PLEKHA1: variants seen among roughly 807,000 people sequenced by gnomAD.
PLEKHA1 encodes pleckstrin homology domain-containing family A member 1.
A neutral mutation model predicts 52.0 loss-of-function variants in PLEKHA1; 34 were observed. That is an observed-to-expected ratio of 0.65 (90% CI 0.50 to 0.87). The LOEUF is 0.87. Among genes scored for constraint, PLEKHA1 ranks in the 40% least tolerant of loss-of-function variants. The probability of loss-of-function intolerance (pLI) is 0.00; values close to 1 mark genes in which losing one functional copy is unlikely to be tolerated. For synonymous variants in PLEKHA1, 163 were observed against 170.7 expected (o/e 0.95, Z 0.35); for missense variants, 497 against 504.2 (o/e 0.99, Z 0.14).
intron 8 of PLEKHA1, chr10:122,420,134 A>G (rs1168055223): frequency 6.6e-6 from 1 of 151,916 alleles, no homozygotes; most frequent in Non-Finnish European, 1.5e-5. Context: ...CATCACCAAC[A>G]CTCTTTTTGG....
intron 4 of PLEKHA1, among the ~76,000 whole-genome samples, chr10:122,401,438 G>C (rs977325798): frequency 2.6e-5 from 4 of 152,088 alleles, no homozygotes; most frequent in Admixed American, 6.6e-5. Context: ...GTGGCAATAG[G>C]AGAAGGAGGA....
intron 1 of PLEKHA1, among the ~76,000 whole-genome samples, chr10:122,385,048 A>T (rs1345722740): frequency 6.6e-6 from 1 of 152,110 alleles, no homozygotes; most frequent in Non-Finnish European, 1.5e-5. Context: ...GTATAATTTG[A>T]TGAGTTTTGA....
chr10:122,385,997 T>C (rs1488213563), intron 1 of PLEKHA1, among the ~76,000 whole-genome samples: 1 of 152,216 alleles, frequency 6.6e-6, no homozygotes, highest in Admixed American at 6.5e-5. Context: ...TTTGGATAAA[T>C]ACCTAGGAGT....
the PLEKHA1 span, chr10:122,441,051 A>G: frequency 6.6e-6 from 1 of 152,174 alleles, no homozygotes; most frequent in East Asian, 1.9e-4. Context: ...CAATGTCAAC[A>G]TTACTGAGAA....
At chr10:122,386,227 T>C (rs2096694750) in intron 1 of PLEKHA1, among the ~76,000 whole-genome samples, 2 of 152,194 alleles carry the variant, frequency 1.3e-5, no homozygotes, top group Non-Finnish European at 1.5e-5. Flanking sequence ...TGCATTCACT[T>C]TCCTGACTAA....
Position 122,398,544 on chromosome 10 carries a change from T to C in PLEKHA1, c.198+570T>C, listed in dbSNP as rs540568681. Among the ~76,000 whole-genome samples the C allele has an allele frequency of 7.9e-5, 12 of 152,182 alleles. No homozygotes were observed. The East Asian group carries it at 2.3e-3, about 29-fold the overall frequency. ...GGTACATTTTTTTCTTATTTTCTTC[T>C]ATTAATGTTTAGGGAACTAAGTGAT... On this transcript the variant is annotated intron_variant, in intron 3 of 11. Transcript: ENST00000368990.
intron 4 of PLEKHA1, among the ~76,000 whole-genome samples, chr10:122,403,849 G>A (rs533041787): frequency 4.7e-4 from 71 of 152,106 alleles, no homozygotes; most frequent in Non-Finnish European, 9.4e-4. Flanking sequence ...CCACCACCAC[G>A]CCTGGCTAAT....
In PLEKHA1 at chr10:122,415,649, G is replaced by A. The variant is rs181959969; in HGVS notation, c.469-210G>A. Among the ~76,000 whole-genome samples, 205 of 152,286 alleles carry A rather than the reference G, an allele frequency of 1.3e-3. 1 individual carries two copies. Among genetic ancestry groups the A allele is most frequent in the African/African-American group, 4.4e-3 (183 of 41,558 alleles). On this transcript the variant is annotated intron_variant, in intron 6 of 11. Coordinates refer to ENST00000368990, the MANE Select transcript of PLEKHA1 (RefSeq NM_001001974.4). The stretch of plus-strand genomic sequence containing the variant: ...TCCCCAAAAAAGAGCACTGGTGGCA[G>A]GACTTGTGCAAAACAAGAGGAATGG...
Position 122,432,032 on chromosome 10 carries a change from T to G in PLEKHA1, c.*2094T>G, listed in dbSNP as rs900076950. The G allele has an allele frequency of 6.6e-6, 1 of 152,228 alleles. No individual in the cohort carries two copies. The highest frequency in any genetic ancestry group is 2.4e-5 in the African/African-American group (1 of 41,460). The allele number at this position is 152,228 out of a possible 1,614,324, so 9.4% of individuals were successfully genotyped here. ...GGACATTTTAAAATAGAACTATCCT[T>G]GTTCGATAGCATAGGAAAATGTTCT... On this transcript the variant is annotated 3_prime_UTR_variant, in exon 12 of 12. Transcript: ENST00000368990.
At chr10:122,383,298 C>G (rs1565121002) in intron 1 of PLEKHA1, among the ~76,000 whole-genome samples, 2 of 142,646 alleles carry the variant, frequency 1.4e-5, no homozygotes, top group African/African-American at 5.1e-5. Context: ...TTGCTTTTTT[C>G]TTTTCTTTCT....
Position 122,393,137 on chromosome 10 carries a change from T to G in PLEKHA1, c.-20-44T>G, listed in dbSNP as rs2096798992. The G allele has an allele frequency of 3.5e-5, 52 of 1,473,742 alleles. 1 individual carries two copies. Among genetic ancestry groups the G allele is most frequent in the Non-Finnish European group, 4.6e-5 (51 of 1,100,726 alleles). 91.3% of individuals were successfully genotyped at this position (1,473,742 alleles called of 1,614,324 possible). On this transcript the variant is annotated intron_variant, in intron 1 of 11. Coordinates refer to ENST00000368990, the MANE Select transcript of PLEKHA1 (RefSeq NM_001001974.4). This position sits in a 1 kb window ranked among gnomAD's most constrained non-coding sequence, Gnocchi z 4.5. ...GATTTGCAGTCCATGAGAAATACTT[T>G]CCTGTTTCATAGGGAGCTTACTGTT... is the stretch of plus-strand genomic sequence containing the variant.
At position 122,382,622 on chromosome 10, in the gene PLEKHA1, G is replaced by A. The variant is rs377262892; in HGVS notation, c.-21+7816G>A. Among the ~76,000 whole-genome samples, 5 of 152,110 alleles carry A rather than the reference G, an allele frequency of 3.3e-5. No individual in the cohort carries two copies. The East Asian group carries it at 7.7e-4, about 23-fold the overall frequency. On this transcript the variant is annotated intron_variant, in intron 1 of 11. Coordinates refer to ENST00000368990, the MANE Select transcript of PLEKHA1 (RefSeq NM_001001974.4). Reference sequence around the variant, plus strand: ...CTTGTGTAAATCAGTGAGACATTGGGATTACAAAGTGGTGATTTTCTATTA... The same window carrying A: ...CTTGTGTAAATCAGTGAGACATTGGAATTACAAAGTGGTGATTTTCTATTA...
chr10:122,399,880 C>A (rs1215383431), intron 3 of PLEKHA1, among the ~76,000 whole-genome samples: 1 of 152,162 alleles, frequency 6.6e-6, no homozygotes, highest in Non-Finnish European at 1.5e-5. Flanking sequence ...CCACTGTGCC[C>A]AGCCTAGATT....
At chr10:122,399,316 C>T (rs1437810604) in intron 3 of PLEKHA1, among the ~76,000 whole-genome samples, 1 of 152,080 alleles carries the variant, frequency 6.6e-6, no homozygotes, top group Non-Finnish European at 1.5e-5. Flanking sequence ...TATCACTGGA[C>T]AACAGCATGG....
intron 1 of PLEKHA1, among the ~76,000 whole-genome samples, chr10:122,380,698 C>T (rs143179248): frequency 1.4e-3 from 206 of 152,108 alleles, no homozygotes; most frequent in East Asian, 3.5e-3. Context: ...CAACCTTGGC[C>T]GAACATTAGA....
At position 122,415,868 on chromosome 10, in the gene PLEKHA1, G is replaced by T; in HGVS notation, c.478G>T (p.Val160Leu). 6.2e-7 allele frequency: 1 copy of T among 1,609,322 alleles called. No individual in the cohort carries two copies. Among genetic ancestry groups the T allele is most frequent in the Non-Finnish European group, 8.5e-7 (1 of 1,177,202 alleles). The part of the protein sequence containing the change: ...PIITPTQKEE[V>L]NECGESIDRN... ...TTTTGCTTCATTTTAGAAAGAAGAA[G>T]TAAATGAATGTGGTGAAAGTATTGA... Residue 160 changes from valine (V) to leucine (L), a missense_variant, in exon 7 of 12, where the codon GTA (valine) becomes TTA (leucine). Val to Leu is a conservative substitution (Grantham distance 32). Coordinates refer to ENST00000368990, the MANE Select transcript of PLEKHA1 (RefSeq NM_001001974.4).
intron 1 of PLEKHA1, chr10:122,387,295 C>T (rs1590309465): frequency 6.6e-6 from 1 of 151,970 alleles, no homozygotes; most frequent in East Asian, 1.9e-4. Context: ...TATAAATTTT[C>T]TTTCAAAATC....
At chr10:122,396,965 G>T (rs866151425) in intron 2 of PLEKHA1, among the ~76,000 whole-genome samples, 1 of 151,752 alleles carries the variant, frequency 6.6e-6, no homozygotes, top group South Asian at 2.1e-4. Flanking sequence ...AGCCTTCTTC[G>T]TTGGCCTCAA....
In PLEKHA1 at chr10:122,427,025, G is replaced by A. The variant is rs367978770; in HGVS notation, c.894G>A (p.Ala298=). ...CACAGCGGGGTCCCGGCAGATCTGC[G>A]TCTTCTGTAGGTTTCCTGCTCTCTG... The part of the protein sequence containing the change: ...IVAQRGPGRS[A]SSEHPPGPSE... The change falls in exon 11 of 12, where the codon GCG becomes GCA. Residue 298 remains alanine, a synonymous_variant. Coordinates refer to ENST00000368990, the MANE Select transcript of PLEKHA1 (RefSeq NM_001001974.4). 20 of 1,613,038 alleles carry A rather than the reference G, an allele frequency of 1.2e-5. No individual in the cohort carries two copies. The highest frequency in any genetic ancestry group is 5.0e-5 in the Admixed American group (3 of 59,996).
Sources: gnomAD v4.1 joint callset for allele counts (sites outside exome capture counted in the v4.1 genomes callset) on GRCh38, gnomAD v4.1.1 for gene constraint, Gnocchi (gnomAD v3.1) non-coding constraint, MANE v1.5 for transcripts, NCBI Gene and HGNC (gene_info 2026-07-23, HGNC 2026-07-21) for gene names.